DRG1: variants seen among roughly 807,000 people sequenced by gnomAD.
DRG1 encodes the protein developmentally-regulated GTP-binding protein 1.
In DRG1, 19 loss-of-function variants were observed where a neutral mutation model predicts 38.8. That is an observed-to-expected ratio of 0.49 (90% CI 0.34 to 0.72). DRG1 has a LOEUF of 0.72. Among genes scored for constraint, DRG1 ranks in the 30% least tolerant of loss-of-function variants. The pLI is 0.01. For missense variants in DRG1, 299 were observed against 444.8 expected, an observed-to-expected ratio of 0.67 and a Z score of 2.95; for synonymous variants, 167 against 157.5, an observed-to-expected ratio of 1.06 and a Z score of -0.45.
rs201965741 is a variant in DRG1 at position 31,420,235 on chromosome 22, T to C, written c.413-21T>C. Reference sequence around the variant, plus strand: ...AGGCTTTATTGAACTTTCTTGCGTATGTTTTTTTCTTACTCTTCAGTGGCC... The same window carrying C: ...AGGCTTTATTGAACTTTCTTGCGTACGTTTTTTTCTTACTCTTCAGTGGCC... On this transcript the variant is annotated intron_variant, in intron 4 of 8. Transcript: ENST00000331457. 7 of 1,607,324 alleles carry C rather than the reference T, an allele frequency of 4.4e-6. No individual in the cohort carries two copies. The East Asian group carries it at 1.3e-4, about 31-fold the overall frequency.
chr22:31,432,430 T>G (rs996338319), intron 8 of DRG1, among the ~76,000 whole-genome samples: 2 of 140,864 alleles, frequency 1.4e-5, no homozygotes, highest in African/African-American at 2.7e-5. Context: ...TGTGTGTGTG[T>G]TTTTTTTTTT....
At chr22:31,429,221 C>T (rs1364441841) in intron 8 of DRG1, among the ~76,000 whole-genome samples, 2 of 152,022 alleles carry the variant, frequency 1.3e-5, no homozygotes, top group Non-Finnish European at 2.9e-5. Flanking sequence ...TGGGTTCAAG[C>T]AATTCTTCTG....
intron 4 of DRG1, among the ~76,000 whole-genome samples, chr22:31,417,353 G>A (rs1356773771): frequency 6.7e-6 from 1 of 150,146 alleles, no homozygotes; most frequent in Admixed American, 6.7e-5. Context: ...CCTGGCGACA[G>A]AGCAAGACTC....
At chr22:31,428,495 G>A (rs2050123031) in intron 8 of DRG1, among the ~76,000 whole-genome samples, 1 of 152,204 alleles carries the variant, frequency 6.6e-6, no homozygotes, top group South Asian at 2.1e-4. Context: ...TTACAGGCGT[G>A]AGCCACTGCG....
intron 5 of DRG1, among the ~76,000 whole-genome samples, chr22:31,420,773 A>T (rs149291383): frequency 0.011 from 1,709 of 152,272 alleles, 12 homozygotes; most frequent in Middle Eastern, 0.024. Flanking sequence ...GCATTATTTT[A>T]GGCTCTGGGC....
chr22:31,424,488 C>CTTT (rs398036881), intron 6 of DRG1, among the ~76,000 whole-genome samples: 3,052 of 71,658 alleles, frequency 0.043, 12 homozygotes, highest in East Asian at 0.055. Flanking sequence ...GCTTTGGTTT[C>CTTT]TTTTTTTTTT....
At chr22:31,424,951 C>T (rs532645501) in intron 6 of DRG1, among the ~76,000 whole-genome samples, 4 of 151,282 alleles carry the variant, frequency 2.6e-5, no homozygotes, top group South Asian at 4.2e-4. Context: ...TACAGGTGTC[C>T]GCCACCATAC....
chr22:31,399,908 G>A (rs2049951337), intron 1 of DRG1, among the ~76,000 whole-genome samples, 183 bp downstream of exon 1: 1 of 152,024 alleles, frequency 6.6e-6, no homozygotes, highest in South Asian at 2.1e-4. Context: ...CCTCAGTCAG[G>A]GCCCCCTTTC....
At chr22:31,414,926 A>G (rs1335477376) in intron 4 of DRG1, among the ~76,000 whole-genome samples, 3 of 151,890 alleles carry the variant, frequency 2.0e-5, no homozygotes, top group East Asian at 1.9e-4. Context: ...GACTACAGGC[A>G]TGTACCATCA....
chr22:31,410,391 G>T (rs12484646), intron 3 of DRG1, among the ~76,000 whole-genome samples: 3,506 of 151,952 alleles, frequency 0.023, 117 homozygotes, highest in Admixed American at 0.076. Flanking sequence ...GGAGGTGGAG[G>T]TTTCAGTGAG....
intron 3 of DRG1, among the ~76,000 whole-genome samples, chr22:31,403,609 G>A (rs975988418): frequency 1.3e-5 from 2 of 152,260 alleles, no homozygotes; most frequent in East Asian, 1.9e-4. Context: ...ACCTGAGGGT[G>A]GGGGCTGGGA....
At chr22:31,403,290 C>A in intron 3 of DRG1, 86 bp downstream of exon 3, 3 of 1,396,916 alleles carry the variant, frequency 2.1e-6, no homozygotes, top group Non-Finnish European at 9.6e-7. Context: ...GTATGCCAGG[C>A]CTGATCTTTG....
intron 3 of DRG1, among the ~76,000 whole-genome samples, chr22:31,404,683 A>G (rs1159765526): frequency 2.0e-5 from 3 of 151,650 alleles, no homozygotes; most frequent in Non-Finnish European, 4.4e-5. Context: ...GTGCAGTGGC[A>G]TGATCTCGGC....
intron 8 of DRG1, among the ~76,000 whole-genome samples, chr22:31,432,651 C>G (rs1254599661): frequency 6.6e-6 from 1 of 152,122 alleles, no homozygotes; most frequent in Non-Finnish European, 1.5e-5. Flanking sequence ...TGGTCTCGAT[C>G]TCTTGACCTC....
At chr22:31,416,701 G>A (rs2050046010) in intron 4 of DRG1, among the ~76,000 whole-genome samples, 1 of 151,962 alleles carries the variant, frequency 6.6e-6, no homozygotes, top group South Asian at 2.1e-4. Context: ...TGAAGAGATC[G>A]AGACCATCCT....
intron 1 of DRG1, 115 bp downstream of exon 1, chr22:31,399,840 C>T (rs549886596): frequency 6.7e-7 from 1 of 1,498,534 alleles, no homozygotes; most frequent in South Asian, 1.1e-5. Flanking sequence ...TCCGCGACTT[C>T]TCTCAGCGAG....
intron 2 of DRG1, among the ~76,000 whole-genome samples, chr22:31,401,049 T>G (rs898349585): frequency 1.3e-5 from 2 of 152,180 alleles, no homozygotes; most frequent in Admixed American, 1.3e-4. Flanking sequence ...TTTATTTTTA[T>G]TCTGCCGGTT....
intron 8 of DRG1, 30 bp from the exon 9 acceptor site, chr22:31,433,842 C>A: frequency 4.4e-6 from 7 of 1,602,362 alleles, no homozygotes; most frequent in Non-Finnish European, 6.0e-6. Flanking sequence ...TTATTATTTA[C>A]ACTGACTGTT....
intron 8 of DRG1, among the ~76,000 whole-genome samples, chr22:31,433,311 CCCAA>C (rs2050151755): frequency 7.1e-6 from 1 of 141,374 alleles, no homozygotes; most frequent in Non-Finnish European, 1.5e-5. Context: ...TCGCTCGTTG[CCCAA>C]CCTGGAGTGC....
Sources: gnomAD v4.1 joint callset for allele counts (sites outside exome capture counted in the v4.1 genomes callset) on GRCh38, gnomAD v4.1.1 for gene constraint, MANE v1.5 for transcripts, NCBI Gene and HGNC (gene_info 2026-07-23, HGNC 2026-07-21) for gene names.